DHRS7B: variants seen among roughly 807,000 people sequenced by gnomAD.
DHRS7B encodes peroxisomal reductase activating PPAR-gamma.
A neutral mutation model predicts 26.4 loss-of-function variants in DHRS7B; 24 were observed. The ratio of observed to expected loss-of-function variants is 0.91; its 90% CI spans 0.66 to 1.28. The LOEUF (loss-of-function observed/expected upper bound fraction) is 1.28, where lower values mean the gene tolerates loss of function less well. Ranked by LOEUF, DHRS7B falls within the 50% of genes most tolerant of loss-of-function variation. DHRS7B has a pLI of 0.00. For missense variants in DHRS7B, 368 were observed against 419.4 expected (o/e 0.88, Z 1.07); for synonymous variants, 142 against 166.4 (o/e 0.85, Z 1.13).
chr17:21,174,118 G>T (rs1974320988), intron 2 of DHRS7B, among the ~76,000 whole-genome samples: 1 of 152,212 alleles, frequency 6.6e-6, no homozygotes, highest in South Asian at 2.1e-4. Flanking sequence ...AACTGGCCAT[G>T]TCAAGTACAG....
chr17:21,179,169 T>A (rs1276216412), intron 3 of DHRS7B, among the ~76,000 whole-genome samples: 1 of 152,130 alleles, frequency 6.6e-6, no homozygotes, highest in East Asian at 1.9e-4. Context: ...CCCAGATTGG[T>A]CTTGGACTTG....
chr17:21,174,929 C>T (rs1048796756), intron 2 of DHRS7B, among the ~76,000 whole-genome samples: 6 of 152,202 alleles, frequency 3.9e-5, no homozygotes. Context: ...AGAAGCGCAC[C>T]AGGGAGGCAG....
At chr17:21,167,458 G>A (rs1031437983) in intron 1 of DHRS7B, among the ~76,000 whole-genome samples, 6 of 152,194 alleles carry the variant, frequency 3.9e-5, no homozygotes, top group Non-Finnish European at 5.9e-5. Context: ...ACGCCAGTTC[G>A]TGAGTCTCAT....
intron 1 of DHRS7B, among the ~76,000 whole-genome samples, chr17:21,151,377 G>A (rs1485235733): frequency 6.6e-6 from 1 of 152,074 alleles, no homozygotes; most frequent in Non-Finnish European, 1.5e-5. Context: ...AGCTGGGCGT[G>A]TTGGCAGGCA....
At chr17:21,142,743 A>C (rs1032398064) in intron 1 of DHRS7B, among the ~76,000 whole-genome samples, 13 of 149,882 alleles carry the variant, frequency 8.7e-5, no homozygotes, top group Middle Eastern at 3.4e-3. Context: ...GGTGAGAGAC[A>C]ATTGATAACA....
chr17:21,183,440 C>T (rs957633729), intron 3 of DHRS7B, among the ~76,000 whole-genome samples, 154 bp from the exon 4 acceptor site: 1 of 152,118 alleles, frequency 6.6e-6, no homozygotes, highest in Non-Finnish European at 1.5e-5. Context: ...ATGTTTCCTT[C>T]CTCTGCTGGT....
chr17:21,173,521 T>C (rs1974307022), intron 2 of DHRS7B, among the ~76,000 whole-genome samples: 1 of 152,178 alleles, frequency 6.6e-6, no homozygotes, highest in South Asian at 2.1e-4. Context: ...CTGTAGGGAC[T>C]TATACAGTTG....
At chr17:21,165,384 C>G (rs1018032883) in intron 1 of DHRS7B, among the ~76,000 whole-genome samples, 1 of 151,990 alleles carries the variant, frequency 6.6e-6, no homozygotes, top group African/African-American at 2.4e-5. Context: ...CTCTGTCACC[C>G]AGGCTGGAGT....
At chr17:21,184,318 G>T in intron 4 of DHRS7B, 53 bp from the exon 5 acceptor site, 1 of 1,498,348 alleles carries the variant, frequency 6.7e-7, no homozygotes, top group Non-Finnish European at 9.2e-7. Flanking sequence ...ATCAGCATCG[G>T]GTGCAATGAC....
chr17:21,127,953 C>T (rs1973137479), intron 1 of DHRS7B: 1 of 152,214 alleles, frequency 6.6e-6, no homozygotes, highest in South Asian at 2.1e-4. Context: ...CCCTTTTCTC[C>T]ATTCCTTAAT....
intron 1 of DHRS7B, among the ~76,000 whole-genome samples, chr17:21,169,979 G>A (rs913536720): frequency 2.6e-5 from 4 of 152,102 alleles, no homozygotes; most frequent in Non-Finnish European, 5.9e-5. Flanking sequence ...ACCTGGGATT[G>A]CAGTGAGAAA....
rs370861401 is a variant in DHRS7B at position 21,138,101 on chromosome 17, T to TACACACACAC, written c.20+11132_20+11141dup. On this transcript the variant is annotated intron_variant, in intron 1 of 6. Coordinates refer to ENST00000395511, the MANE Select transcript of DHRS7B (RefSeq NM_015510.5). ...ATATATATATATATATATATATATA[T>TACACACACAC]ACACACACACACACACACACACACA... Among the ~76,000 whole-genome samples, 382 of 86,046 alleles carry TACACACACAC rather than the reference T, an allele frequency of 4.4e-3. 9 individuals carry two copies. Among genetic ancestry groups the TACACACACAC allele is most frequent in the Middle Eastern group, 7.1e-3 (1 of 140 alleles). 56.4% of individuals were successfully genotyped at this position (86,046 alleles called of 152,430 possible).
At chr17:21,150,985 A>G (rs1049176739) in intron 1 of DHRS7B, among the ~76,000 whole-genome samples, 11 of 152,234 alleles carry the variant, frequency 7.2e-5, no homozygotes, top group African/African-American at 2.7e-4. Context: ...TACATATCCA[A>G]GAAACTTTGT....
At chr17:21,169,464 C>T (rs1363212998) in intron 1 of DHRS7B, among the ~76,000 whole-genome samples, 1 of 152,170 alleles carries the variant, frequency 6.6e-6, no homozygotes, top group Non-Finnish European at 1.5e-5. Context: ...GGTCCTCTCA[C>T]AACTTCAGCT....
chr17:21,138,040 T>C (rs949506796), intron 1 of DHRS7B, among the ~76,000 whole-genome samples: 2 of 144,688 alleles, frequency 1.4e-5, no homozygotes, highest in African/African-American at 5.2e-5. Context: ...CCCATAGTTC[T>C]GGGATTACAG....
At chr17:21,182,955 G>T (rs191714044) in intron 3 of DHRS7B, among the ~76,000 whole-genome samples, 185 of 152,284 alleles carry the variant, frequency 1.2e-3, no homozygotes, top group African/African-American at 4.2e-3. Context: ...AGTACAGGAA[G>T]GACTGGTGTT....
intron 1 of DHRS7B, among the ~76,000 whole-genome samples, chr17:21,142,410 G>A (rs1268990552): frequency 3.3e-5 from 5 of 152,118 alleles, no homozygotes; most frequent in South Asian, 2.1e-4. Flanking sequence ...CCTAGGCACC[G>A]GGCTACCTGT....
chr17:21,172,592 C>T (rs963107929), intron 2 of DHRS7B: 10 of 291,938 alleles, frequency 3.4e-5, no homozygotes, highest in East Asian at 8.9e-5. Flanking sequence ...TCTATGAGGA[C>T]CAAATGAAAC....
intron 1 of DHRS7B, among the ~76,000 whole-genome samples, chr17:21,132,907 T>C (rs913468460): frequency 9.9e-5 from 15 of 152,152 alleles, no homozygotes; most frequent in African/African-American, 3.4e-4. Context: ...TTTTTTTACA[T>C]GACCCCCTAT....
Sources: gnomAD v4.1 joint callset for allele counts (sites outside exome capture counted in the v4.1 genomes callset) on GRCh38, gnomAD v4.1.1 for gene constraint, MANE v1.5 for transcripts, NCBI Gene and HGNC (gene_info 2026-07-23, HGNC 2026-07-21) for gene names.